ENTPD5: variants seen among roughly 807,000 people sequenced by gnomAD.
ENTPD5 encodes the protein ectonucleoside triphosphate diphosphohydrolase 5 (inactive), also known as nucleoside diphosphate phosphatase ENTPD5.
ENTPD5 carries 49 observed loss-of-function variants against 60.2 expected under a neutral mutation model. That is an observed-to-expected ratio of 0.81 (90% CI 0.65 to 1.03). The LOEUF (loss-of-function observed/expected upper bound fraction) is 1.03, where lower values mean the gene tolerates loss of function less well. Ranked by LOEUF, ENTPD5 falls within the 50% of genes least tolerant of loss-of-function variation. The pLI is 0.00. For synonymous variants in ENTPD5, 187 were observed against 185.4 expected, an observed-to-expected ratio of 1.01 and a Z score of -0.07; for missense variants, 480 against 507.6, an observed-to-expected ratio of 0.95 and a Z score of 0.52.
chr14:73,998,909 C>T lies in ENTPD5; in HGVS notation c.-70-10737G>A, dbSNP rs529971183. On this transcript the variant is annotated intron_variant, in intron 3 of 15. Coordinates refer to ENST00000334696, the MANE Select transcript of ENTPD5 (RefSeq NM_001249.5). ...ATAGTAGAGGACACCAAATACTCAGCTAAGGAGTTTGGACTTTACTCTGCA... is the reference window on the plus strand; with the variant it reads ...ATAGTAGAGGACACCAAATACTCAGTTAAGGAGTTTGGACTTTACTCTGCA... Among the ~76,000 whole-genome samples, 9 of 152,208 alleles carry T rather than the reference C, an allele frequency of 5.9e-5. No individual in the cohort carries two copies. In the South Asian group the frequency reaches 1.7e-3, roughly 28 times the overall value.
chr14:73,991,520 G>A (rs1398538112), intron 3 of ENTPD5, among the ~76,000 whole-genome samples: 6 of 150,698 alleles, frequency 4.0e-5, no homozygotes, highest in Non-Finnish European at 7.4e-5. Context: ...CCCGGGAGGC[G>A]GAGGCTGCAG....
At position 73,965,320 on chromosome 14, in the gene ENTPD5, C is replaced by G. The variant is rs2056928599; in HGVS notation, c.*1608G>C. ...AAGCCACAAGTTTTGGGGAAATACA[C>G]TCCTGCAAAGAAGCTGGAGGTTAAC... On this transcript the variant is annotated 3_prime_UTR_variant, in exon 16 of 16. Coordinates refer to ENST00000334696, the MANE Select transcript of ENTPD5 (RefSeq NM_001249.5). 1 of 152,208 alleles carries G rather than the reference C, an allele frequency of 6.6e-6. No homozygotes were observed. The highest frequency in any genetic ancestry group is 6.5e-5 in the Admixed American group (1 of 15,276). 9.4% of individuals were successfully genotyped at this position (152,208 alleles called of 1,614,324 possible). A position where few individuals can be genotyped will look rare whatever the true frequency, so the allele number is the denominator to read the frequency against.
At chr14:73,969,004 G>A (rs1252809444) in intron 15 of ENTPD5, among the ~76,000 whole-genome samples, 2 of 152,194 alleles carry the variant, frequency 1.3e-5, no homozygotes, top group Non-Finnish European at 2.9e-5. Flanking sequence ...ATATGCATGA[G>A]GCATTCAGTG....
At chr14:73,960,130 G>C (rs975651370), downstream of ENTPD5, 79 of 992,524 alleles carry the variant, frequency 8.0e-5, no homozygotes, top group Non-Finnish European at 9.3e-5. Context: ...CTAGGTTGCA[G>C]CTACCTGAAC....
chr14:74,017,717 C>G (rs976088029), intron 1 of ENTPD5, among the ~76,000 whole-genome samples: 6 of 150,414 alleles, frequency 4.0e-5, no homozygotes, highest in Non-Finnish European at 8.8e-5. Context: ...GAAACTCTGT[C>G]TCTACCAAAA....
chr14:73,989,113 C>T (rs148128235), intron 3 of ENTPD5, among the ~76,000 whole-genome samples: 1,989 of 152,094 alleles, frequency 0.013, 21 homozygotes, highest in South Asian at 0.03. Flanking sequence ...TAAGCCACCA[C>T]GCCCAGCCAC....
chr14:74,001,370 C>T (rs1336728152), intron 3 of ENTPD5, among the ~76,000 whole-genome samples: 1 of 151,700 alleles, frequency 6.6e-6, no homozygotes, highest in East Asian at 1.9e-4. Context: ...GGTGTGATGG[C>T]GGGTGCCTAT....
chr14:73,971,185 TCTCA>T (rs2057211298), intron 14 of ENTPD5, among the ~76,000 whole-genome samples: 1 of 149,964 alleles, frequency 6.7e-6, no homozygotes, highest in East Asian at 2.0e-4. Flanking sequence ...TGAGGTGGAG[TCTCA>T]CTCTGTTGCT....
chr14:73,967,320 T>C (rs1024155427), intron 15 of ENTPD5, among the ~76,000 whole-genome samples: 6 of 152,240 alleles, frequency 3.9e-5, no homozygotes, highest in Admixed American at 2.6e-4. Flanking sequence ...TTCCCTAACG[T>C]TGAAACTACA....
chr14:73,956,018 G>C, downstream of ENTPD5: 1 of 1,576,188 alleles, frequency 6.3e-7, no homozygotes, highest in Non-Finnish European at 8.7e-7. Flanking sequence ...AATATTCAGT[G>C]TCCACCATAA....
At chr14:73,958,353 C>T (rs3764859), downstream of ENTPD5, 33 of 1,605,542 alleles carry the variant, frequency 2.1e-5, no homozygotes, top group African/African-American at 1.3e-4. Context: ...CTCTGGTTTT[C>T]GATTTAAGCT....
At chr14:73,957,560 CCTGA>C (rs1311159818), downstream of ENTPD5, among the ~76,000 whole-genome samples, 1 of 152,096 alleles carries the variant, frequency 6.6e-6, no homozygotes, top group Admixed American at 6.5e-5. Context: ...ACCTCAGCCT[CCTGA>C]CTAACTGGGA....
At chr14:74,002,691 T>C (rs903945283) in intron 3 of ENTPD5, among the ~76,000 whole-genome samples, 2 of 152,224 alleles carry the variant, frequency 1.3e-5, no homozygotes, top group African/African-American at 4.8e-5. Flanking sequence ...TGTGATTTGC[T>C]AATATTGTCC....
intron 11 of ENTPD5, among the ~76,000 whole-genome samples, chr14:73,974,226 G>C (rs1420007702): frequency 6.6e-6 from 1 of 152,068 alleles, no homozygotes; most frequent in Non-Finnish European, 1.5e-5. Context: ...TTGTCAGAGG[G>C]GTCCATGGCT....
At chr14:73,984,232 T>A (rs1234819790) in intron 5 of ENTPD5, among the ~76,000 whole-genome samples, 2 of 152,124 alleles carry the variant, frequency 1.3e-5, no homozygotes, top group African/African-American at 4.8e-5. Flanking sequence ...AGCTTTAGGA[T>A]GGTAGAGTGA....
At chr14:74,005,080 A>C (rs572734939) in intron 3 of ENTPD5, among the ~76,000 whole-genome samples, 1 of 151,914 alleles carries the variant, frequency 6.6e-6, no homozygotes, top group African/African-American at 2.4e-5. Flanking sequence ...TCATTTGTTT[A>C]TTCTTAGAAA....
At chr14:73,974,475 G>A (rs1483741471) in intron 11 of ENTPD5, among the ~76,000 whole-genome samples, 5 of 152,192 alleles carry the variant, frequency 3.3e-5, no homozygotes, top group Non-Finnish European at 5.9e-5. Context: ...GGCACAGATA[G>A]GTTACTTGCC....
At position 74,008,540 on chromosome 14, in the gene ENTPD5, C is replaced by T. The variant is rs185368806; in HGVS notation, c.-71+2551G>A. Among the ~76,000 whole-genome samples, 9 of 151,892 alleles carry T rather than the reference C, an allele frequency of 5.9e-5. 1 individual carries two copies. Among genetic ancestry groups the T allele is most frequent in the Admixed American group, 5.9e-4 (9 of 15,248 alleles). Reference sequence around the variant, plus strand: ...TCCCAAGTAGCTAGGACGATGGGTGCCTGCCACCATGCCCGGCTAACTTTT... The same window carrying T: ...TCCCAAGTAGCTAGGACGATGGGTGTCTGCCACCATGCCCGGCTAACTTTT... On this transcript the variant is annotated intron_variant, in intron 3 of 15. Transcript: ENST00000334696.
At chr14:73,957,499 G>A (rs77803340), downstream of ENTPD5, among the ~76,000 whole-genome samples, 3,816 of 152,262 alleles carry the variant, frequency 0.025, 151 homozygotes, top group African/African-American at 0.087. Flanking sequence ...TTTGAGACAA[G>A]GTCTTGCTTT....
Sources: allele counts gnomAD v4.1 joint callset (sites outside exome capture counted in the v4.1 genomes callset), GRCh38; gene constraint gnomAD v4.1.1; transcripts MANE v1.5; gene names NCBI Gene and HGNC (gene_info 2026-07-23, HGNC 2026-07-21).